GALK2: variants seen among roughly 807,000 people sequenced by gnomAD.
GALK2 encodes the protein N-acetylgalactosamine kinase.
GALK2 carries 36 observed loss-of-function variants against 52.4 expected under a neutral mutation model. The ratio of observed to expected loss-of-function variants is 0.69; its 90% CI spans 0.53 to 0.91. The LOEUF is 0.91. Among genes scored for constraint, GALK2 ranks in the 40% least tolerant of loss-of-function variants. The pLI, the probability that GALK2 is intolerant of heterozygous loss-of-function variation, is 0.00. For missense variants in GALK2, 579 were observed against 559.1 expected, an observed-to-expected ratio of 1.04 and a Z score of -0.36; for synonymous variants, 176 against 199.1, an observed-to-expected ratio of 0.88 and a Z score of 0.98.
At chr15:49,275,003 C>CT (rs2031426512) in intron 5 of GALK2, among the ~76,000 whole-genome samples, 1 of 151,894 alleles carries the variant, frequency 6.6e-6, no homozygotes, top group Non-Finnish European at 1.5e-5. Flanking sequence ...GACATATGCT[C>CT]TAAAATAATG....
At chr15:49,327,730 G>C in intron 9 of GALK2, 1 of 407,914 alleles carries the variant, frequency 2.5e-6, no homozygotes, top group Non-Finnish European at 4.4e-6. Flanking sequence ...CTTACCACTT[G>C]GAGTCAAAAC....
intron 5 of GALK2, 79 bp downstream of exon 5, chr15:49,239,446 T>A (rs376131074): frequency 2.2e-5 from 30 of 1,353,734 alleles, no homozygotes; most frequent in East Asian, 2.1e-4. Flanking sequence ...CAGAATGCCT[T>A]CCTTGATTGA....
Position 49,328,830 on chromosome 15 carries a change from A to C in GALK2, c.*671A>C. 7.1e-7 allele frequency: 1 copy of C among 1,407,882 alleles called. No homozygotes were observed. The highest frequency in any genetic ancestry group is 9.2e-7 in the Non-Finnish European group (1 of 1,082,090). 87.2% of individuals were successfully genotyped at this position (1,407,882 alleles called of 1,614,324 possible). A position where few individuals can be genotyped will look rare whatever the true frequency, so the allele number is the denominator to read the frequency against. On this transcript the variant is annotated 3_prime_UTR_variant, in exon 10 of 10. Coordinates refer to ENST00000560031, the MANE Select transcript of GALK2 (RefSeq NM_002044.4). ...CAGGAAGAAAATTCAGACTCATTTGAATATTTGTAAACCATGTAATATATA... is the reference window on the plus strand; with the variant it reads ...CAGGAAGAAAATTCAGACTCATTTGCATATTTGTAAACCATGTAATATATA...
intron 3 of GALK2, among the ~76,000 whole-genome samples, chr15:49,232,733 A>G (rs1024096470): frequency 6.6e-6 from 1 of 151,962 alleles, no homozygotes; most frequent in African/African-American, 2.4e-5. Flanking sequence ...CTAAACCATC[A>G]CTCTCAAGTT....
intron 9 of GALK2, among the ~76,000 whole-genome samples, chr15:49,326,544 C>A (rs1395626841): frequency 6.6e-6 from 1 of 152,038 alleles, no homozygotes; most frequent in African/African-American, 2.4e-5. Flanking sequence ...GCCACTGCAC[C>A]CGGCATGACA....
At chr15:49,288,295 G>A (rs1567024236) in intron 7 of GALK2, among the ~76,000 whole-genome samples, 1 of 152,144 alleles carries the variant, frequency 6.6e-6, no homozygotes, top group Non-Finnish European at 1.5e-5. Flanking sequence ...AAATTATACT[G>A]TTGCTTTTTG....
chr15:49,295,678 G>T (rs562840534), intron 8 of GALK2, among the ~76,000 whole-genome samples: 1 of 152,098 alleles, frequency 6.6e-6, no homozygotes, highest in Non-Finnish European at 1.5e-5. Flanking sequence ...GTGTTACCTT[G>T]GTTGGACCAT....
chr15:49,179,901 C>T (rs775547000), intron 1 of GALK2, among the ~76,000 whole-genome samples: 1 of 152,100 alleles, frequency 6.6e-6, no homozygotes, highest in Admixed American at 6.5e-5. Context: ...AATTACAGCC[C>T]TACCATTCAT....
chr15:49,254,583 T>C (rs2091736502), intron 5 of GALK2, among the ~76,000 whole-genome samples: 1 of 144,148 alleles, frequency 6.9e-6, no homozygotes, highest in Non-Finnish European at 1.6e-5. Flanking sequence ...GTTTTATAAA[T>C]AGTTCTTCAA....
intron 1 of GALK2, among the ~76,000 whole-genome samples, chr15:49,192,507 A>G (rs928472354): frequency 5.8e-5 from 8 of 138,262 alleles, no homozygotes; most frequent in Non-Finnish European, 1.3e-4. Context: ...ATATATATAT[A>G]TATATATATA....
chr15:49,166,236 G>A (rs372303019), upstream of GALK2, among the ~76,000 whole-genome samples: 1 of 152,112 alleles, frequency 6.6e-6, no homozygotes, highest in African/African-American at 2.4e-5. Context: ...CAAGCAGAGG[G>A]TGCTTAGAGT....
At chr15:49,362,438 T>C (rs974305698) in intron 3 of GALK2, among the ~76,000 whole-genome samples, 11 of 152,302 alleles carry the variant, frequency 7.2e-5, no homozygotes, top group Admixed American at 1.3e-4. Context: ...GTTAAATCTC[T>C]TTTCTTCATA....
intron 3 of GALK2, among the ~76,000 whole-genome samples, chr15:49,361,166 CATAA>C (rs2044161963): frequency 6.6e-6 from 1 of 151,962 alleles, no homozygotes; most frequent in Non-Finnish European, 1.5e-5. Context: ...CTTTTTACCC[CATAA>C]ATATATACAA....
chr15:49,195,413 T>A (rs544832443), intron 1 of GALK2, among the ~76,000 whole-genome samples: 1 of 152,204 alleles, frequency 6.6e-6, no homozygotes. Flanking sequence ...GTTTAAAAAC[T>A]TTTCTTAAAT....
chr15:49,345,337 C>T (rs1359256368), intron 3 of GALK2, among the ~76,000 whole-genome samples: 3 of 152,086 alleles, frequency 2.0e-5, no homozygotes, highest in Non-Finnish European at 2.9e-5. Flanking sequence ...CATGGTTGTA[C>T]ATTTGTGCTG....
chr15:49,209,180 C>G (rs1441749493), intron 2 of GALK2, among the ~76,000 whole-genome samples: 1 of 152,146 alleles, frequency 6.6e-6, no homozygotes, highest in Non-Finnish European at 1.5e-5. Flanking sequence ...ATTTTTAATA[C>G]TGATTTTGTA....
chr15:49,165,551 C>T (rs1366699517), upstream of GALK2, among the ~76,000 whole-genome samples: 2 of 152,098 alleles, frequency 1.3e-5, no homozygotes. Context: ...CCACTTGTTT[C>T]TCATCATAAT....
chr15:49,205,122 G>A (rs111733936), intron 2 of GALK2, among the ~76,000 whole-genome samples: 9,358 of 152,076 alleles, frequency 0.062, 573 homozygotes, highest in African/African-American at 0.15. Context: ...GGTTGGTTCC[G>A]CGATTGGGTT....
At chr15:49,264,886 C>T (rs1332239382) in intron 5 of GALK2, among the ~76,000 whole-genome samples, 4 of 152,170 alleles carry the variant, frequency 2.6e-5, no homozygotes, top group Admixed American at 6.5e-5. Flanking sequence ...TGTAGTACAG[C>T]GGATTTTCGT....
Sources: gnomAD v4.1 joint callset for allele counts (sites outside exome capture counted in the v4.1 genomes callset) on GRCh38, gnomAD v4.1.1 for gene constraint, MANE v1.5 for transcripts, NCBI Gene and HGNC (gene_info 2026-07-23, HGNC 2026-07-21) for gene names.